The following SEL1L3 variants were observed in gnomAD, a reference collection of about 807,000 sequenced individuals.
SEL1L3 encodes the protein protein sel-1 homolog 3.
SEL1L3 carries 76 observed loss-of-function variants against 142.8 expected under a neutral mutation model. The observed-to-expected ratio is 0.53, with a 90% CI of 0.44 to 0.64. SEL1L3 has a LOEUF of 0.64. SEL1L3 is among the 30% of genes least tolerant of loss of function. The pLI is 0.00. For synonymous variants in SEL1L3, 504 were observed against 519.6 expected, an observed-to-expected ratio of 0.97 and a Z score of 0.41; for missense variants, 1,262 against 1,381.7, an observed-to-expected ratio of 0.91 and a Z score of 1.37.
At chr4:25,863,466 C>A (rs1485884953), upstream of SEL1L3, 1 of 702,878 alleles carries the variant, frequency 1.4e-6, no homozygotes, top group East Asian at 2.7e-5. Flanking sequence ...CAGTTCCCGC[C>A]CGTGCAATGG....
At chr4:25,834,140 G>A (rs1042876533) in intron 3 of SEL1L3, among the ~76,000 whole-genome samples, 4 of 152,080 alleles carry the variant, frequency 2.6e-5, no homozygotes, top group Admixed American at 6.6e-5. Context: ...TGACCAATAC[G>A]GAACAATTAA....
downstream of SEL1L3, among the ~76,000 whole-genome samples, chr4:25,747,258 G>A (rs1332678276): frequency 2.0e-5 from 3 of 152,112 alleles, no homozygotes; most frequent in Non-Finnish European, 4.4e-5. Context: ...CAGGATTCCT[G>A]GAGAGAAGCC....
At chr4:25,715,330 T>G in the SEL1L3 span, among the ~76,000 whole-genome samples, 2 of 152,100 alleles carry the variant, frequency 1.3e-5, no homozygotes, top group African/African-American at 4.8e-5. Context: ...GCTCTCAATT[T>G]TTAAAAATTA....
At chr4:25,719,828 C>A in the SEL1L3 span, 1 of 152,132 alleles carries the variant, frequency 6.6e-6, no homozygotes, top group Non-Finnish European at 1.5e-5. Flanking sequence ...GGCAGCTTCG[C>A]AGACAGCAAA....
chr4:25,753,460 T>C (rs754249755), intron 23 of SEL1L3, among the ~76,000 whole-genome samples: 4 of 152,212 alleles, frequency 2.6e-5, no homozygotes, highest in Non-Finnish European at 4.4e-5. Flanking sequence ...ATTAAGTTTG[T>C]TTCACAACGC....
At chr4:25,837,060 A>C (rs1715875766) in intron 2 of SEL1L3, among the ~76,000 whole-genome samples, 1 of 152,100 alleles carries the variant, frequency 6.6e-6, no homozygotes. Context: ...CAATTTCAAC[A>C]GAAGCACTTG....
At chr4:25,804,995 C>T (rs1194951103) in intron 9 of SEL1L3, among the ~76,000 whole-genome samples, 1 of 152,114 alleles carries the variant, frequency 6.6e-6, no homozygotes, top group Non-Finnish European at 1.5e-5. Flanking sequence ...AAATGATGTG[C>T]TGTATGTAGC....
intron 6 of SEL1L3, among the ~76,000 whole-genome samples, chr4:25,826,618 G>T (rs1715110162): frequency 6.6e-6 from 1 of 152,128 alleles, no homozygotes; most frequent in Non-Finnish European, 1.5e-5. Context: ...GGGCAGCTGG[G>T]GTGGTGGGGA....
chr4:25,847,373 A>T lies in SEL1L3; in HGVS notation c.654T>A (p.His218Gln). 6.2e-7 allele frequency: 1 copy of T among 1,614,030 alleles called. No homozygotes were observed. Among genetic ancestry groups the T allele is most frequent in the African/African-American group, 1.3e-5 (1 of 75,062 alleles). Residue 218 changes from histidine to glutamine, a missense_variant, in exon 2 of 24, where the codon CAT (histidine) becomes CAA (glutamine). His to Gln is a conservative substitution (Grantham distance 24). Transcript: ENST00000399878. ...IPPFERPFKD[H>Q]QVCLEWNMGY... is the part of the protein sequence containing the mutation. Reference sequence around the variant, plus strand: ...CCATGTTCCACTCAAGGCACACTTGATGATCTTTGAAAGGGCGTTCAAAAG... The same window carrying T: ...CCATGTTCCACTCAAGGCACACTTGTTGATCTTTGAAAGGGCGTTCAAAAG...
At chr4:25,857,618 G>C (rs967419831) in intron 1 of SEL1L3, among the ~76,000 whole-genome samples, 1 of 152,204 alleles carries the variant, frequency 6.6e-6, no homozygotes, top group Non-Finnish European at 1.5e-5. Context: ...AATGCCTTCA[G>C]AGAGGGTAAG....
the SEL1L3 span, among the ~76,000 whole-genome samples, chr4:25,732,305 C>T: frequency 6.6e-6 from 1 of 151,992 alleles, no homozygotes; most frequent in Non-Finnish European, 1.5e-5. Flanking sequence ...TACATATATC[C>T]CATGCAATAT....
the SEL1L3 span, among the ~76,000 whole-genome samples, chr4:25,739,730 A>T: frequency 7.9e-3 from 1,191 of 150,504 alleles, 11 homozygotes; most frequent in Middle Eastern, 0.024. Context: ...CAAAAAAAAA[A>T]CCCATGTGTG....
At chr4:25,840,896 T>G (rs1716125421) in intron 2 of SEL1L3, among the ~76,000 whole-genome samples, 2 of 152,314 alleles carry the variant, frequency 1.3e-5, no homozygotes, top group Admixed American at 1.3e-4. Flanking sequence ...AAGCCCTTGT[T>G]GCCATCTTTC....
intron 9 of SEL1L3, among the ~76,000 whole-genome samples, chr4:25,804,997 G>A (rs1236559791): frequency 1.3e-5 from 2 of 152,116 alleles, no homozygotes; most frequent in African/African-American, 2.4e-5. Flanking sequence ...ATGATGTGCT[G>A]TATGTAGCTT....
downstream of SEL1L3, among the ~76,000 whole-genome samples, chr4:25,744,759 A>G (rs1717211631): frequency 6.6e-6 from 1 of 152,188 alleles, no homozygotes; most frequent in African/African-American, 2.4e-5. Context: ...TCTTAATCCA[A>G]TGTGGCTGGT....
chr4:25,775,606 A>G (rs1719556790), intron 17 of SEL1L3, among the ~76,000 whole-genome samples: 1 of 152,222 alleles, frequency 6.6e-6, no homozygotes, highest in Non-Finnish European at 1.5e-5. Flanking sequence ...AAATAAAAGA[A>G]AGAAGACTGG....
At chr4:25,731,584 CAATT>C in the SEL1L3 span, among the ~76,000 whole-genome samples, 1 of 152,198 alleles carries the variant, frequency 6.6e-6, no homozygotes, top group African/African-American at 2.4e-5. Flanking sequence ...TAAATAGAAT[CAATT>C]GATAGGTACT....
intron 11 of SEL1L3, among the ~76,000 whole-genome samples, chr4:25,798,173 G>C (rs1268046716): frequency 6.6e-6 from 1 of 152,132 alleles, no homozygotes; most frequent in Non-Finnish European, 1.5e-5. Context: ...ATTCTTCTGG[G>C]TGAGTACTGC....
the SEL1L3 span, among the ~76,000 whole-genome samples, chr4:25,727,013 C>T: frequency 6.6e-6 from 1 of 151,702 alleles, no homozygotes; most frequent in Non-Finnish European, 1.5e-5. Context: ...CCCCAGCGCC[C>T]TTCGTGTCTC....
Sources: allele counts gnomAD v4.1 joint callset (sites outside exome capture counted in the v4.1 genomes callset), GRCh38; gene constraint gnomAD v4.1.1; transcripts MANE v1.5; gene names NCBI Gene and HGNC (gene_info 2026-07-23, HGNC 2026-07-21).